The following CLTCL1 variants were observed in gnomAD, a reference collection of about 807,000 sequenced individuals.
CLTCL1 encodes clathrin heavy chain like 1.
A neutral mutation model predicts 190.0 loss-of-function variants in CLTCL1; 159 were observed. That is an observed-to-expected ratio of 0.84 (90% CI 0.74 to 0.95). The LOEUF (loss-of-function observed/expected upper bound fraction) is 0.95, where lower values mean the gene tolerates loss of function less well. Ranked by LOEUF, CLTCL1 falls within the 40% of genes least tolerant of loss-of-function variation. CLTCL1 has a pLI of 0.00. For missense variants in CLTCL1, 1,878 were observed against 2,033.4 expected (o/e 0.92, Z 1.47); for synonymous variants, 752 against 769.6 (o/e 0.98, Z 0.38).
chr22:19,200,078 C>T (rs2084833348), intron 23 of CLTCL1, among the ~76,000 whole-genome samples: 1 of 152,168 alleles, frequency 6.6e-6, no homozygotes, highest in African/African-American at 2.4e-5. Flanking sequence ...AAAGTTTGTG[C>T]ATTACTTCGT....
At chr22:19,211,758 T>C (rs746584009) in intron 19 of CLTCL1, among the ~76,000 whole-genome samples, 137 of 141,206 alleles carry the variant, frequency 9.7e-4, no homozygotes, top group African/African-American at 1.6e-3. Flanking sequence ...CAGAGCAAGA[T>C]TGCATCTCAA....
chr22:19,277,745 T>G (rs1261818054), intron 1 of CLTCL1, among the ~76,000 whole-genome samples: 6 of 152,052 alleles, frequency 3.9e-5, no homozygotes, highest in African/African-American at 1.2e-4. Context: ...ACGCCAGATG[T>G]GGGGGGGTTT....
intron 1 of CLTCL1, among the ~76,000 whole-genome samples, 194 bp from the exon 2 acceptor site, chr22:19,276,024 A>G (rs200383840): frequency 0.61 from 92,292 of 151,706 alleles, 28,207 homozygotes; most frequent in South Asian, 0.73. Context: ...TCTCCTTGAG[A>G]GATTACCAGC....
chr22:19,280,352 G>A (rs1432192443), intron 1 of CLTCL1, among the ~76,000 whole-genome samples: 2 of 151,510 alleles, frequency 1.3e-5, no homozygotes, highest in Non-Finnish European at 2.9e-5. Flanking sequence ...TTTTTTTTAG[G>A]TGTGATGTTA....
intron 29 of CLTCL1, 96 bp downstream of exon 29, chr22:19,187,462 G>C: frequency 7.7e-7 from 1 of 1,292,730 alleles, no homozygotes; most frequent in Non-Finnish European, 1.1e-6. Flanking sequence ...CTCAGAGCCA[G>C]GTCTCAGGAA....
Position 19,180,813 on chromosome 22 carries a change from G to A in CLTCL1, c.4828-7C>T. On this transcript the variant is annotated splice_polypyrimidine_tract_variant and splice_region_variant and intron_variant, in intron 30 of 32. Coordinates refer to ENST00000427926, the MANE Select transcript of CLTCL1 (RefSeq NM_007098.4). ...AGGCATCCAGTTTGTCCACCTGCAAGGAGGCAAAAGCACGTGAGCACCCGC... is the reference window on the plus strand; with the variant it reads ...AGGCATCCAGTTTGTCCACCTGCAAAGAGGCAAAAGCACGTGAGCACCCGC... The A allele has an allele frequency of 1.9e-6, 3 of 1,613,688 alleles. No individual in the cohort carries two copies. Among genetic ancestry groups the A allele is most frequent in the South Asian group, 1.1e-5 (1 of 91,082 alleles).
chr22:19,268,352 C>G (rs959421894), intron 2 of CLTCL1, among the ~76,000 whole-genome samples: 5 of 152,044 alleles, frequency 3.3e-5, no homozygotes, highest in African/African-American at 4.8e-5. Flanking sequence ...CCAGTGTCAG[C>G]CATTTCATTA....
intron 4 of CLTCL1, among the ~76,000 whole-genome samples, chr22:19,241,330 C>A (rs2086247295): frequency 6.6e-6 from 1 of 152,214 alleles, no homozygotes; most frequent in Non-Finnish European, 1.5e-5. Context: ...CGCTGCCCTG[C>A]TGCATCTGTA....
At chr22:19,232,830 T>C (rs2085957585) in intron 9 of CLTCL1, 1 of 627,892 alleles carries the variant, frequency 1.6e-6, no homozygotes, top group South Asian at 2.3e-5. Flanking sequence ...AGAAGTTTCC[T>C]GATCTGTGTG....
intron 31 of CLTCL1, 89 bp from the exon 32 acceptor site, chr22:19,180,327 C>A (rs61260305): frequency 0.011 from 15,548 of 1,369,182 alleles, 281 homozygotes; most frequent in East Asian, 0.067. Context: ...TCACACCACA[C>A]CCTCAGGCCT....
rs1555944737 is a variant in CLTCL1 at position 19,208,962 on chromosome 22, A to G, written c.3402T>C (p.Pro1134=). 1 of 1,611,520 alleles carries G rather than the reference A, an allele frequency of 6.2e-7. No homozygotes were observed. Among genetic ancestry groups the G allele is most frequent in the Admixed American group, 1.7e-5 (1 of 59,708 alleles). Residue 1134 remains proline, a synonymous_variant, in exon 21 of 33, where the codon CCT becomes CCC. Coordinates refer to ENST00000427926, the MANE Select transcript of CLTCL1 (RefSeq NM_007098.4). The stretch of plus-strand genomic sequence containing the variant: ...ACTGAACAACTTCCAGGTAAGAGGA[A>G]GGGTCGTCCCCTCTGATATAGGAGT... ...AINSYIRGDD[P]SSYLEVVQSA...
chr22:19,182,930 A>T (rs1555926445), intron 30 of CLTCL1: 1 of 199,344 alleles, frequency 5.0e-6, no homozygotes, highest in Non-Finnish European at 1.0e-5. Flanking sequence ...TGTTAGAAGG[A>T]TTCAGTGGAT....
At chr22:19,283,167 T>C (rs2087782877) in intron 1 of CLTCL1, among the ~76,000 whole-genome samples, 1 of 151,074 alleles carries the variant, frequency 6.6e-6, no homozygotes, top group Admixed American at 6.6e-5. Flanking sequence ...CCACAGGGCC[T>C]GGCCCAGGTT....
At chr22:19,191,469 C>G (rs782407499) in intron 26 of CLTCL1, 34 bp from the exon 27 acceptor site, 1 of 1,608,180 alleles carries the variant, frequency 6.2e-7, no homozygotes, top group African/African-American at 1.3e-5. Context: ...CAGTCCCTGC[C>G]GCTGTCTCCA....
intron 3 of CLTCL1, among the ~76,000 whole-genome samples, chr22:19,253,486 A>G (rs1473922743): frequency 6.6e-6 from 1 of 152,194 alleles, no homozygotes. Context: ...ACTACTTCTT[A>G]TAAAACTATG....
At chr22:19,222,893 C>T (rs1158746982) in intron 14 of CLTCL1, 84 bp from the exon 15 acceptor site, 19 of 1,499,060 alleles carry the variant, frequency 1.3e-5, no homozygotes, top group Non-Finnish European at 1.5e-5. Flanking sequence ...CATGGGACGG[C>T]TCTGTCTCTG....
At chr22:19,197,106 CCCACACGCCT>C (rs1288793344) in intron 24 of CLTCL1, among the ~76,000 whole-genome samples, 8 of 152,148 alleles carry the variant, frequency 5.3e-5, no homozygotes, top group Non-Finnish European at 8.8e-5. Context: ...TGCATTCAGC[CCCACACGCCT>C]CTGACACTCT....
At chr22:19,261,174 G>A (rs2086938552) in intron 2 of CLTCL1, among the ~76,000 whole-genome samples, 2 of 151,400 alleles carry the variant, frequency 1.3e-5, no homozygotes, top group African/African-American at 2.4e-5. Flanking sequence ...GTGCAGTGGC[G>A]TAATCTTGGC....
At chr22:19,227,697 C>G (rs537654723) in intron 11 of CLTCL1, among the ~76,000 whole-genome samples, 1 of 152,224 alleles carries the variant, frequency 6.6e-6, no homozygotes, top group Non-Finnish European at 1.5e-5. Flanking sequence ...ATGTGATCCA[C>G]CCGCCTTGGC....
Sources: gnomAD v4.1 joint callset for allele counts (sites outside exome capture counted in the v4.1 genomes callset) on GRCh38, gnomAD v4.1.1 for gene constraint, MANE v1.5 for transcripts, NCBI Gene and HGNC (gene_info 2026-07-23, HGNC 2026-07-21) for gene names.